The following LRP1 variants were observed in gnomAD, a reference collection of about 807,000 sequenced individuals.
LRP1 encodes prolow-density lipoprotein receptor-related protein 1.
Under a neutral mutation model 541.5 loss-of-function variants are expected in LRP1, and 51 were observed. The ratio of observed to expected loss-of-function variants is 0.09; its 90% CI spans 0.08 to 0.12. LRP1 has a LOEUF of 0.12. Ranked by LOEUF, LRP1 falls within the 10% of genes least tolerant of loss-of-function variation. The pLI, the probability that LRP1 is intolerant of heterozygous loss-of-function variation, is 1.00. For missense variants in LRP1, 3,878 were observed against 6,376.2 expected (o/e 0.61, Z 13.34); for synonymous variants, 2,219 against 2,470.8 (o/e 0.90, Z 3.02).
intron 1 of LRP1, among the ~76,000 whole-genome samples, chr12:57,137,457 G>A (rs1429796800): frequency 1.3e-5 from 2 of 152,016 alleles, no homozygotes; most frequent in African/African-American, 2.4e-5. Flanking sequence ...CCCCAATTCT[G>A]ATATCTTGAA....
intron 61 of LRP1, 78 bp downstream of exon 61, chr12:57,199,478 T>C (rs2036603228): frequency 3.2e-5 from 47 of 1,475,684 alleles, no homozygotes; most frequent in Non-Finnish European, 4.3e-5. Context: ...TCATCCCTTC[T>C]CTAGCATTGA....
chr12:57,177,670 G>T lies in LRP1; in HGVS notation c.4361+79G>T. On this transcript the variant is annotated intron_variant, in intron 26 of 88. Coordinates refer to ENST00000243077, the MANE Select transcript of LRP1 (RefSeq NM_002332.3). The surrounding 1 kb of genome is among the most constrained non-coding windows in gnomAD (Gnocchi z 6.8). Reference sequence around the variant, plus strand: ...TGGGGAGGAACCTGTGGTGATGAGGGTGATGAGAAGGACCAAGGGATCTAG... The same window carrying T: ...TGGGGAGGAACCTGTGGTGATGAGGTTGATGAGAAGGACCAAGGGATCTAG... 6.7e-7 allele frequency: 1 copy of T among 1,492,656 alleles called. No individual in the cohort carries two copies. The highest frequency in any genetic ancestry group is 9.2e-7 in the Non-Finnish European group (1 of 1,089,748). The allele number at this position is 1,492,656 out of a possible 1,614,324, so 92.5% of individuals were successfully genotyped here.
Position 57,158,402 on chromosome 12 carries a change from A to G in LRP1, c.1562A>G (p.Lys521Arg). ...SLGSDGKSCKKPEHELFLVYG... is the reference protein window; with the variant it reads ...SLGSDGKSCKRPEHELFLVYG... Reference sequence around the variant, plus strand: ...GTACCCTGGCTTGTGCCTGCTCTAGAGCCGGAGCATGAGCTGTTCCTCGTG... The same window carrying G: ...GTACCCTGGCTTGTGCCTGCTCTAGGGCCGGAGCATGAGCTGTTCCTCGTG... The change falls in exon 11 of 89, where the codon AAG becomes AGG. Residue 521 changes from lysine to arginine, a missense_variant and splice_region_variant. By Grantham distance (26) the Lys-to-Arg change is conservative. This residue lies in a region of LRP1 where 496 missense variants were observed against 861.0 expected (regional missense o/e 0.58). Coordinates refer to ENST00000243077, the MANE Select transcript of LRP1 (RefSeq NM_002332.3). This position sits in a 1 kb window ranked among gnomAD's most constrained non-coding sequence, Gnocchi z 5.3. 1.2e-6 allele frequency: 2 copies of G among 1,604,138 alleles called. No homozygotes were observed. The highest frequency in any genetic ancestry group is 1.7e-5 in the Admixed American group (1 of 59,616).
chr12:57,211,694 T>C lies in LRP1; in HGVS notation c.13194-56T>C. The stretch of plus-strand genomic sequence containing the variant: ...GTGCCCACCCCCCGCCCTGTTTTCC[T>C]GGCAGCAGTGGCTATGGAGGTTATA... On this transcript the variant is annotated intron_variant, in intron 85 of 88. Transcript: ENST00000243077. The surrounding 1 kb of genome is among the most constrained non-coding windows in gnomAD (Gnocchi z 4.3). 1 of 1,480,182 alleles carries C rather than the reference T, an allele frequency of 6.8e-7. No individual in the cohort carries two copies. Among genetic ancestry groups the C allele is most frequent in the Non-Finnish European group, 9.4e-7 (1 of 1,060,526 alleles). The allele number at this position is 1,480,182 out of a possible 1,614,324, so 91.7% of individuals were successfully genotyped here.
At chr12:57,170,596 A>T (rs749267988) in intron 20 of LRP1, among the ~76,000 whole-genome samples, 2 of 152,252 alleles carry the variant, frequency 1.3e-5, no homozygotes, top group East Asian at 3.9e-4. Context: ...AGGCAGGAGG[A>T]TCACTTGTTT....
At position 57,205,767 on chromosome 12, in the gene LRP1, G is replaced by A; in HGVS notation, c.11590+90G>A. 1 of 1,546,208 alleles carries A rather than the reference G, an allele frequency of 6.5e-7. No individual in the cohort carries two copies. The highest frequency in any genetic ancestry group is 1.2e-5 in the South Asian group (1 of 84,552). On this transcript the variant is annotated intron_variant, in intron 75 of 88. Transcript: ENST00000243077. The surrounding 1 kb of genome is among the most constrained non-coding windows in gnomAD (Gnocchi z 4.6). ...CCGACTTGGAATGGAATGTCTTCCT[G>A]CGGACATCTTGCCCAGACAAGAAGC...
At chr12:57,139,537 A>G (rs1184117878) in intron 2 of LRP1, among the ~76,000 whole-genome samples, 1 of 152,094 alleles carries the variant, frequency 6.6e-6, no homozygotes, top group Non-Finnish European at 1.5e-5. Flanking sequence ...GTTAGAAGTA[A>G]AGAAAGCCAT....
At chr12:57,170,966 C>A (rs1483794551) in intron 20 of LRP1, among the ~76,000 whole-genome samples, 3 of 152,174 alleles carry the variant, frequency 2.0e-5, no homozygotes, top group Non-Finnish European at 2.9e-5. Flanking sequence ...GTTGAGTGCC[C>A]ACCTTGAGCC....
chr12:57,195,809 C>T (rs754584933), intron 53 of LRP1, 29 bp downstream of exon 53: 15 of 1,614,078 alleles, frequency 9.3e-6, no homozygotes, highest in Non-Finnish European at 1.3e-5. Flanking sequence ...TGGGAGGAGG[C>T]CCTGCCCTCT....
At chr12:57,142,985 T>G (rs1421006892) in intron 3 of LRP1, among the ~76,000 whole-genome samples, 1 of 152,120 alleles carries the variant, frequency 6.6e-6, no homozygotes, top group Non-Finnish European at 1.5e-5. Context: ...GTGGCCAGGC[T>G]GCCTGGCCCC....
Position 57,162,725 on chromosome 12 carries a change from T to A in LRP1, c.2405-133T>A, listed in dbSNP as rs184792482. 6.2e-4 allele frequency: 708 copies of A among 1,150,652 alleles called. 5 individuals carry two copies. The African/African-American group carries it at 9.5e-3, about 15-fold the overall frequency. 71.3% of individuals were successfully genotyped at this position (1,150,652 alleles called of 1,614,324 possible). On this transcript the variant is annotated intron_variant, in intron 14 of 88. Transcript: ENST00000243077. The surrounding 1 kb of genome is among the most constrained non-coding windows in gnomAD (Gnocchi z 5.2). ...GCCCCATGTCTGTGTCTCCTGTTCTTCAACATGATCTTCTTCCTCTCCATA... is the reference window on the plus strand; with the variant it reads ...GCCCCATGTCTGTGTCTCCTGTTCTACAACATGATCTTCTTCCTCTCCATA...
rs781236033 is a variant in LRP1 at position 57,167,407 on chromosome 12, G to A, written c.2915-37G>A. The stretch of plus-strand genomic sequence containing the variant: ...CCCAGTACTGTGATGCTGTGTAATC[G>A]TGAAGGCCCTACTCAGCTACTCTTT... On this transcript the variant is annotated intron_variant, in intron 18 of 88. Transcript: ENST00000243077. 6.0e-5 allele frequency: 87 copies of A among 1,442,762 alleles called. 1 individual carries two copies. In the Admixed American group the frequency reaches 1.2e-3, roughly 19 times the overall value. The allele number at this position is 1,442,762 out of a possible 1,614,324, so 89.4% of individuals were successfully genotyped here.
chr12:57,141,341 C>T, intron 2 of LRP1, 33 bp from the exon 3 acceptor site: 1 of 1,613,482 alleles, frequency 6.2e-7, no homozygotes, highest in Non-Finnish European at 8.5e-7. Context: ...CCATAGCCAG[C>T]TTGTTCATGC....
chr12:57,136,852 G>A (rs1472808695), intron 1 of LRP1, among the ~76,000 whole-genome samples: 5 of 152,196 alleles, frequency 3.3e-5, no homozygotes, highest in African/African-American at 1.2e-4. Context: ...GGTATTAGTT[G>A]TCCCTATTTG....
In LRP1 at chr12:57,211,677, C is replaced by T; in HGVS notation, c.13194-73C>T. 2 of 1,260,580 alleles carry T rather than the reference C, an allele frequency of 1.6e-6. No individual in the cohort carries two copies. Among genetic ancestry groups the T allele is most frequent in the Non-Finnish European group, 1.2e-6 (1 of 861,038 alleles). The allele number at this position is 1,260,580 out of a possible 1,614,324, so 78.1% of individuals were successfully genotyped here. On this transcript the variant is annotated intron_variant, in intron 85 of 88. Coordinates refer to ENST00000243077, the MANE Select transcript of LRP1 (RefSeq NM_002332.3). This position sits in a 1 kb window ranked among gnomAD's most constrained non-coding sequence, Gnocchi z 4.3. ...AGGACCGTCAGGCCTCAGTGCCCAC[C>T]CCCCGCCCTGTTTTCCTGGCAGCAG...
At chr12:57,174,033 G>A in intron 22 of LRP1, 53 bp downstream of exon 22, 2 of 1,568,776 alleles carry the variant, frequency 1.3e-6, no homozygotes, top group African/African-American at 1.4e-5. Context: ...TAGGAGTCTG[G>A]GCCAAGGACA....
rs2136711103 is a variant in LRP1 at position 57,185,347 on chromosome 12, G to A, written c.6463+142G>A. ...CTTCCGATGGCCCGAGAGACCCAGG[G>A]ATGGGGAGGAAAGGCTGAGGTGCTC... On this transcript the variant is annotated intron_variant, in intron 40 of 88. Coordinates refer to ENST00000243077, the MANE Select transcript of LRP1 (RefSeq NM_002332.3). This position sits in a 1 kb window ranked among gnomAD's most constrained non-coding sequence, Gnocchi z 4.9. The A allele has an allele frequency of 7.2e-7, 1 of 1,383,088 alleles. No individual in the cohort carries two copies. The highest frequency in any genetic ancestry group is 9.8e-7 in the Non-Finnish European group (1 of 1,018,280). 85.7% of individuals were successfully genotyped at this position (1,383,088 alleles called of 1,614,324 possible). A position where few individuals can be genotyped will look rare whatever the true frequency, so the allele number is the denominator to read the frequency against.
intron 33 of LRP1, 42 bp downstream of exon 33, chr12:57,180,849 C>T (rs1565737310): frequency 4.4e-6 from 7 of 1,608,660 alleles, no homozygotes; most frequent in Non-Finnish European, 5.9e-6. Flanking sequence ...TCAGGGGCAA[C>T]AGGGGAGCCG....
Position 57,206,994 on chromosome 12 carries a change from C to T in LRP1, c.11859+253C>T, listed in dbSNP as rs2036794039. 6.6e-6 allele frequency among the ~76,000 whole-genome samples: 1 copy of T among 152,188 alleles called. No homozygotes were observed. Among genetic ancestry groups the T allele is most frequent in the African/African-American group, 2.4e-5 (1 of 41,430 alleles). ...CGGTGGCTCATGCCTGTAATCCCAG[C>T]ACTTTGGGAGGCAGAGGTGGGTGGA... On this transcript the variant is annotated intron_variant, in intron 76 of 88. Coordinates refer to ENST00000243077, the MANE Select transcript of LRP1 (RefSeq NM_002332.3). The surrounding 1 kb of genome is among the most constrained non-coding windows in gnomAD (Gnocchi z 4.7).
Sources: gnomAD v4.1 joint callset for allele counts (sites outside exome capture counted in the v4.1 genomes callset) on GRCh38, gnomAD v4.1.1 for gene constraint, gnomAD v4.1.1 regional missense constraint, Gnocchi (gnomAD v3.1) non-coding constraint, MANE v1.5 for transcripts, NCBI Gene and HGNC (gene_info 2026-07-23, HGNC 2026-07-21) for gene names.